Variants in KMT2C observed in about 807,000 individuals in gnomAD.
KMT2C encodes the protein histone-lysine N-methyltransferase 2C.
In KMT2C, 88 loss-of-function variants were observed where a neutral mutation model predicts 507.9. The ratio of observed to expected loss-of-function variants is 0.17; its 90% CI spans 0.15 to 0.21. The LOEUF (loss-of-function observed/expected upper bound fraction) is 0.21. Among genes scored for constraint, KMT2C ranks in the 10% least tolerant of loss-of-function variants. The pLI, the probability that KMT2C is intolerant of heterozygous loss-of-function variation, is 1.00. For missense variants in KMT2C, 4,954 were observed against 5,957.8 expected, an observed-to-expected ratio of 0.83 and a Z score of 5.55; for synonymous variants, 2,049 against 2,080.8, an observed-to-expected ratio of 0.98 and a Z score of 0.42.
At chr7:152,315,995 C>T (rs1370574950) in intron 3 of KMT2C, among the ~76,000 whole-genome samples, 2 of 152,138 alleles carry the variant, frequency 1.3e-5, no homozygotes, top group Non-Finnish European at 2.9e-5. Flanking sequence ...TTCTGTAAAA[C>T]ATATGGTGAC....
Position 152,163,071 on chromosome 7 carries a change from C to A in KMT2C, c.10506G>T (p.Met3502Ile), listed in dbSNP as rs1191949819. 2 of 1,614,208 alleles carry A rather than the reference C, an allele frequency of 1.2e-6. No individual in the cohort carries two copies. Among genetic ancestry groups the A allele is most frequent in the Admixed American group, 1.7e-5 (1 of 60,028 alleles). The change falls in exon 43 of 59, where the codon ATG (methionine) becomes ATT (isoleucine). Residue 3502 changes from methionine to isoleucine, a missense_variant. Transcript: ENST00000262189. Reference sequence around the variant, plus strand: ...CTACCTGCCTTCGCTCATTAGTCTGCATGAAAGTTTGGGTGGAGGGTGAAT... The same window carrying A: ...CTACCTGCCTTCGCTCATTAGTCTGAATGAAAGTTTGGGTGGAGGGTGAAT... ...SINSPSTQTF[M>I]QTNERRQVGP... is the part of the protein sequence containing the mutation.
At chr7:152,308,602 G>C (rs537782657) in intron 6 of KMT2C, among the ~76,000 whole-genome samples, 1 of 141,262 alleles carries the variant, frequency 7.1e-6, no homozygotes, top group Non-Finnish European at 1.5e-5. Flanking sequence ...TTGAACCCAG[G>C]AAGCAGAGGT....
At chr7:152,330,134 C>A (rs900653666) in intron 3 of KMT2C, among the ~76,000 whole-genome samples, 2 of 110,762 alleles carry the variant, frequency 1.8e-5, no homozygotes, top group African/African-American at 7.6e-5. Context: ...CAGAGCAAGA[C>A]GCCATCTCAA....
At chr7:152,376,252 C>A (rs1448766369) in intron 1 of KMT2C, among the ~76,000 whole-genome samples, 1 of 152,216 alleles carries the variant, frequency 6.6e-6, no homozygotes, top group Non-Finnish European at 1.5e-5. Context: ...TTCCCCAACA[C>A]ACAACCATAT....
rs766546526 is a variant in KMT2C, at chr7:152,162,261, T to G, written c.11316A>C (p.Ser3772=). Reference sequence around the variant, plus strand: ...ACAAGTGTTTCAGAAGTTCATTCCCTGAGTCTCCTTTGGCAGCAGGGGCCC... The same window carrying G: ...ACAAGTGTTTCAGAAGTTCATTCCCGGAGTCTCCTTTGGCAGCAGGGGCCC... The part of the protein sequence containing the change: ...SAGAPAAKGD[S]GNELLKHLLK... Residue 3772 remains serine (S), a synonymous_variant, in exon 43 of 59, where the codon TCA becomes TCC. Transcript: ENST00000262189. The G allele has an allele frequency of 6.2e-7, 1 of 1,614,184 alleles. No homozygotes were observed. Among genetic ancestry groups the G allele is most frequent in the Admixed American group, 1.7e-5 (1 of 60,026 alleles).
Position 152,144,744 on chromosome 7 carries a change from G to C in KMT2C, c.14312C>G (p.Ser4771Cys), listed in dbSNP as rs2129092689. The change falls in exon 55 of 59, where the codon TCC becomes TGC. Residue 4771 changes from serine (S) to cysteine (C), a missense_variant. Ser to Cys is a moderately radical substitution (Grantham distance 112, BLOSUM62 -1). Around this residue, in one of 29 missense-constraint regions of KMT2C, gnomAD observed 133 missense variants for 258.9 expected, o/e 0.51. Transcript: ENST00000262189. This position sits in a 1 kb window ranked among gnomAD's most constrained non-coding sequence, Gnocchi z 4.4. ...CCGAGACCGTGCCAGATACACATTG[G>C]ATTTCCATTCAGTTTTCATCTTCCG... is the stretch of plus-strand genomic sequence containing the variant. ...QYRKMKTEWK[S>C]NVYLARSRIQ... 6.2e-7 allele frequency: 1 copy of C among 1,614,006 alleles called. No individual in the cohort carries two copies. Among genetic ancestry groups the C allele is most frequent in the Non-Finnish European group, 8.5e-7 (1 of 1,179,978 alleles).
intron 1 of KMT2C, among the ~76,000 whole-genome samples, chr7:152,414,936 T>C (rs917215987): frequency 1.3e-5 from 2 of 151,604 alleles, no homozygotes; most frequent in African/African-American, 4.8e-5. Context: ...ACAGCCTCAA[T>C]CTCCAAGGCT....
At chr7:152,395,474 C>CCA (rs1202200015) in intron 1 of KMT2C, among the ~76,000 whole-genome samples, 1 of 151,914 alleles carries the variant, frequency 6.6e-6, no homozygotes, top group Non-Finnish European at 1.5e-5. Flanking sequence ...TAGGCATGAG[C>CCA]CACAGTGCCT....
intron 6 of KMT2C, among the ~76,000 whole-genome samples, chr7:152,305,642 A>G (rs1345378572): frequency 1.3e-5 from 2 of 152,036 alleles, no homozygotes; most frequent in East Asian, 3.9e-4. Context: ...TATTTACATC[A>G]GTATGGACTC....
chr7:152,415,828 C>G (rs1288661073), intron 1 of KMT2C, among the ~76,000 whole-genome samples: 12 of 152,164 alleles, frequency 7.9e-5, no homozygotes, highest in African/African-American at 2.9e-4. Context: ...TGCAGTAAGC[C>G]AAGATCGTGC....
intron 1 of KMT2C, among the ~76,000 whole-genome samples, chr7:152,397,802 ACT>A (rs1392289574): frequency 6.6e-6 from 1 of 151,750 alleles, no homozygotes; most frequent in African/African-American, 2.4e-5. Flanking sequence ...CTTGGTACTC[ACT>A]CTCTCTTGCC....
In KMT2C at chr7:152,182,166, A is replaced by C; in HGVS notation, c.5694T>G (p.Tyr1898Ter). 6.2e-7 allele frequency: 1 copy of C among 1,614,156 alleles called. No individual in the cohort carries two copies. Among genetic ancestry groups the C allele is most frequent in the Non-Finnish European group, 8.5e-7 (1 of 1,180,026 alleles). The change falls in exon 36 of 59, where the codon TAT becomes TAG. Residue 1898 changes from tyrosine to a stop codon, truncating the protein, a stop_gained. Coordinates refer to ENST00000262189, the MANE Select transcript of KMT2C (RefSeq NM_170606.3). LOFTEE classifies it high-confidence loss of function. The part of the protein sequence containing the change: ...NSRPPSPMDP[Y>*]AKMVGTPRPP... ...GTCGAGGGGTACCAACCATTTTTGC[A>C]TATGGATCCATTGGAGATGGTGGTC...
At chr7:152,417,642 T>TTTG (rs924224712) in intron 1 of KMT2C, among the ~76,000 whole-genome samples, 43 of 152,122 alleles carry the variant, frequency 2.8e-4, no homozygotes, top group East Asian at 1.5e-3. Context: ...AAAATGCTTT[T>TTTG]TTGTTGTTGT....
At chr7:152,216,795 A>C (rs1239335897) in intron 23 of KMT2C, among the ~76,000 whole-genome samples, 1 of 152,214 alleles carries the variant, frequency 6.6e-6, no homozygotes, top group Non-Finnish European at 1.5e-5. Flanking sequence ...CTGAATTCAC[A>C]TATAAAGACA....
chr7:152,424,511 C>T lies in KMT2C; in HGVS notation c.161+11115G>A, dbSNP rs2097798653. Reference sequence around the variant, plus strand: ...GATAATGGTTCACTGCAGCCTCACCCTCCTGGGCTTGACCAATCCTCCCAC... The same window carrying T: ...GATAATGGTTCACTGCAGCCTCACCTTCCTGGGCTTGACCAATCCTCCCAC... On this transcript the variant is annotated intron_variant, in intron 1 of 58. Transcript: ENST00000262189. Among the ~76,000 whole-genome samples the T allele has an allele frequency of 2.0e-5, 3 of 152,100 alleles. No homozygotes were observed. In the South Asian group the frequency reaches 6.2e-4, roughly 31 times the overall value.
rs1479302134 is a variant in KMT2C, at chr7:152,358,636, G to C, written c.201C>G (p.Asp67Glu). 1 of 1,610,102 alleles carries C rather than the reference G, an allele frequency of 6.2e-7. No individual in the cohort carries two copies. The highest frequency in any genetic ancestry group is 8.5e-7 in the Non-Finnish European group (1 of 1,178,044). ...SRGKTAVEDE[D>E]SMDGLETTET... ...CTGTTGTCTCCAGCCCATCCATGCTGTCCTCATCTTCCACTGCAGTTTTCC... is the reference window on the plus strand; with the variant it reads ...CTGTTGTCTCCAGCCCATCCATGCTCTCCTCATCTTCCACTGCAGTTTTCC... Residue 67 changes from aspartate (D) to glutamate (E), a missense_variant, in exon 2 of 59, where the codon GAC becomes GAG. Asp to Glu is a conservative substitution (Grantham distance 45, BLOSUM62 2). Coordinates refer to ENST00000262189, the MANE Select transcript of KMT2C (RefSeq NM_170606.3).
intron 1 of KMT2C, among the ~76,000 whole-genome samples, chr7:152,366,207 G>A (rs1246917428): frequency 6.6e-6 from 1 of 152,190 alleles, no homozygotes; most frequent in Non-Finnish European, 1.5e-5. Flanking sequence ...GTTAAAAATA[G>A]AATTGCCATA....
At chr7:152,140,391 T>C (rs971804663) in intron 55 of KMT2C, among the ~76,000 whole-genome samples, 2 of 152,190 alleles carry the variant, frequency 1.3e-5, no homozygotes, top group African/African-American at 4.8e-5. Flanking sequence ...GGGAAAGAAG[T>C]TTGAACGGGC....
intron 14 of KMT2C, among the ~76,000 whole-genome samples, chr7:152,242,374 T>A (rs2095403352): frequency 1.3e-5 from 2 of 152,218 alleles, no homozygotes; most frequent in Admixed American, 6.5e-5. Flanking sequence ...ATCTTGAATT[T>A]CTTCACTTAA....
Sources: gnomAD v4.1 joint callset for allele counts (sites outside exome capture counted in the v4.1 genomes callset) on GRCh38, gnomAD v4.1.1 for gene constraint, gnomAD v4.1.1 regional missense constraint, Gnocchi (gnomAD v3.1) non-coding constraint, MANE v1.5 for transcripts, NCBI Gene and HGNC (gene_info 2026-07-23, HGNC 2026-07-21) for gene names.